Variants in ALK observed in about 807,000 individuals in gnomAD.
The protein encoded by ALK is ALK tyrosine kinase receptor.
A neutral mutation model predicts 163.1 loss-of-function variants in ALK; 74 were observed. That is an observed-to-expected ratio of 0.45 (90% CI 0.38 to 0.55). The LOEUF is 0.55. Among genes scored for constraint, ALK ranks in the 20% least tolerant of loss-of-function variants. The pLI is 0.00. For missense variants in ALK, 2,063 were observed against 2,105.3 expected, an observed-to-expected ratio of 0.98 and a Z score of 0.39; for synonymous variants, 960 against 843.2, an observed-to-expected ratio of 1.14 and a Z score of -2.40.
intron 3 of ALK, among the ~76,000 whole-genome samples, chr2:29,608,957 C>T (rs1192543570): frequency 6.6e-6 from 1 of 152,058 alleles, no homozygotes; most frequent in Non-Finnish European, 1.5e-5. Flanking sequence ...CAGAGTCTTG[C>T]TCTGTCATTC....
At position 29,631,043 on chromosome 2, in the gene ALK, A is replaced by G. The variant is rs942070919; in HGVS notation, c.952+63807T>C. Among the ~76,000 whole-genome samples, 14 of 152,112 alleles carry G rather than the reference A, an allele frequency of 9.2e-5. No homozygotes were observed. In the East Asian group the frequency reaches 1.4e-3, roughly 15 times the overall value. ...TCACAGATCTGTAGATAAAATGACC[A>G]CGGTGAGACTGTACTAACTGAATCT... is the stretch of plus-strand genomic sequence containing the variant. On this transcript the variant is annotated intron_variant, in intron 3 of 28. Transcript: ENST00000389048.
chr2:29,544,400 A>G (rs1201279601), intron 3 of ALK, among the ~76,000 whole-genome samples: 1 of 152,172 alleles, frequency 6.6e-6, no homozygotes, highest in African/African-American at 2.4e-5. Flanking sequence ...TGCCAATAAG[A>G]GTTGTGGCTC....
At chr2:29,233,825 G>T in intron 13 of ALK, 129 bp from the exon 14 acceptor site, 8 of 1,216,602 alleles carry the variant, frequency 6.6e-6, no homozygotes, top group Non-Finnish European at 9.5e-6. Context: ...AGTTGAGGAG[G>T]CAGAAAAATA....
chr2:29,220,633 C>T (rs2148166067), intron 23 of ALK, 73 bp downstream of exon 23: 2 of 1,606,314 alleles, frequency 1.2e-6, no homozygotes, highest in East Asian at 2.2e-5. Flanking sequence ...ACCCAGGCTG[C>T]CCACTCTTGC....
chr2:29,422,759 T>C (rs1382667079), intron 4 of ALK, among the ~76,000 whole-genome samples: 1 of 152,206 alleles, frequency 6.6e-6, no homozygotes, highest in Non-Finnish European at 1.5e-5. Flanking sequence ...GCATTTGGCA[T>C]GGCCTAGGGT....
intron 11 of ALK, among the ~76,000 whole-genome samples, chr2:29,268,946 T>C (rs1471544909): frequency 6.6e-6 from 1 of 152,200 alleles, no homozygotes; most frequent in Non-Finnish European, 1.5e-5. Flanking sequence ...TAAACGTATG[T>C]GATCCTTGCA....
intron 4 of ALK, among the ~76,000 whole-genome samples, chr2:29,437,212 C>T (rs1670424263): frequency 1.3e-5 from 2 of 152,098 alleles, no homozygotes; most frequent in Non-Finnish European, 2.9e-5. Context: ...TCCTTCCTTC[C>T]TCATTTTTCT....
At chr2:29,268,718 G>A (rs773588117) in intron 11 of ALK, among the ~76,000 whole-genome samples, 2 of 152,182 alleles carry the variant, frequency 1.3e-5, no homozygotes, top group Non-Finnish European at 2.9e-5. Flanking sequence ...GTCAGCAATT[G>A]GGCAGTATTT....
rs546809706 is a variant in ALK, at chr2:29,227,518, C to T, written c.2914+56G>A. ...CAGGTCAGAGACTCTGAGGTTTTAG[C>T]TTGGTGGGAGGACTGACCTAAGCAA... On this transcript the variant is annotated intron_variant, in intron 17 of 28. Coordinates refer to ENST00000389048, the MANE Select transcript of ALK (RefSeq NM_004304.5). This position sits in a 1 kb window ranked among gnomAD's most constrained non-coding sequence, Gnocchi z 4.4. The T allele has an allele frequency of 1.4e-6, 2 of 1,433,232 alleles. No homozygotes were observed. The highest frequency in any genetic ancestry group is 3.3e-5 in the Admixed American group (2 of 59,794). The allele number at this position is 1,433,232 out of a possible 1,614,324, so 88.8% of individuals were successfully genotyped here. A position where few individuals can be genotyped will look rare whatever the true frequency, so the allele number is the denominator to read the frequency against.
chr2:29,653,513 T>G (rs1677092517), intron 3 of ALK, among the ~76,000 whole-genome samples: 1 of 149,016 alleles, frequency 6.7e-6, no homozygotes. Context: ...TTACCTAACT[T>G]AACTTAATTT....
At chr2:29,540,558 A>AAGG (rs1673385278) in intron 3 of ALK, among the ~76,000 whole-genome samples, 1 of 150,590 alleles carries the variant, frequency 6.6e-6, no homozygotes, top group Non-Finnish European at 1.5e-5. Flanking sequence ...GGTAGAAATA[A>AAGG]AGGACTAAAG....
intron 3 of ALK, among the ~76,000 whole-genome samples, chr2:29,601,852 T>C (rs17008342): frequency 0.055 from 8,387 of 152,010 alleles, 455 homozygotes; most frequent in African/African-American, 0.14. Flanking sequence ...CCGAAGCTCA[T>C]TGGCCTATCT....
chr2:29,809,957 T>C (rs1664711673), intron 1 of ALK, among the ~76,000 whole-genome samples: 1 of 152,182 alleles, frequency 6.6e-6, no homozygotes, highest in African/African-American at 2.4e-5. Context: ...GTTTGACAAG[T>C]CCATGGATTT....
At chr2:29,759,615 G>A (rs1680643493) in intron 1 of ALK, among the ~76,000 whole-genome samples, 1 of 152,126 alleles carries the variant, frequency 6.6e-6, no homozygotes, top group Non-Finnish European at 1.5e-5. Flanking sequence ...ACACTCTTTG[G>A]CCTTTGAATA....
chr2:29,266,781 A>G (rs1665233303), intron 11 of ALK, among the ~76,000 whole-genome samples: 1 of 152,172 alleles, frequency 6.6e-6, no homozygotes. Context: ...CTATTTAAGC[A>G]TCTGTAGAAT....
intron 3 of ALK, among the ~76,000 whole-genome samples, chr2:29,626,520 T>G (rs1332518042): frequency 1.3e-5 from 2 of 152,222 alleles, no homozygotes; most frequent in Non-Finnish European, 2.9e-5. Context: ...CCATTAAACC[T>G]CTTTCCTTTA....
chr2:29,313,843 C>T (rs866769392), intron 8 of ALK, among the ~76,000 whole-genome samples: 1 of 152,138 alleles, frequency 6.6e-6, no homozygotes, highest in Admixed American at 6.5e-5. Context: ...TGTTTTTCCT[C>T]GGTCTCATGC....
At chr2:29,495,871 T>C (rs1319109030) in intron 4 of ALK, among the ~76,000 whole-genome samples, 1 of 152,234 alleles carries the variant, frequency 6.6e-6, no homozygotes, top group Non-Finnish European at 1.5e-5. Context: ...ATCCAATGAA[T>C]GGAGCTATGA....
At chr2:29,553,618 C>G (rs1673770546) in intron 3 of ALK, among the ~76,000 whole-genome samples, 1 of 152,150 alleles carries the variant, frequency 6.6e-6, no homozygotes, top group African/African-American at 2.4e-5. Context: ...CACTCAATGC[C>G]TAGCGCATAG....
Sources: allele counts gnomAD v4.1 joint callset (sites outside exome capture counted in the v4.1 genomes callset), GRCh38; gene constraint gnomAD v4.1.1; non-coding constraint Gnocchi (gnomAD v3.1); transcripts MANE v1.5; gene names NCBI Gene and HGNC (gene_info 2026-07-23, HGNC 2026-07-21).